Variants in TCL1A observed in about 807,000 individuals in gnomAD.
The protein encoded by TCL1A is T-cell leukemia/lymphoma protein 1A.
Under a neutral mutation model 16.9 loss-of-function variants are expected in TCL1A, and 9 were observed. The ratio of observed to expected loss-of-function variants is 0.53; its 90% CI spans 0.32 to 0.93. TCL1A has a LOEUF of 0.93. TCL1A is among the 40% of genes least tolerant of loss of function. The pLI is 0.04. For missense variants in TCL1A, 139 were observed against 153.0 expected, an observed-to-expected ratio of 0.91 and a Z score of 0.48; for synonymous variants, 69 against 63.2, an observed-to-expected ratio of 1.09 and a Z score of -0.44.
intron 2 of TCL1A, 102 bp downstream of exon 2, chr14:95,712,118 G>T: frequency 2.1e-6 from 3 of 1,401,840 alleles, no homozygotes; most frequent in South Asian, 2.4e-5. Flanking sequence ...ATTTTTTAAT[G>T]CTTTTGGGAC....
intron 1 of TCL1A, chr14:95,712,753 G>T: frequency 2.6e-6 from 3 of 1,133,038 alleles, no homozygotes; most frequent in Non-Finnish European, 3.6e-6. Context: ...ACCAGCCTGG[G>T]TCACAGAGCG....
chr14:95,712,760 A>G (rs774364531), intron 1 of TCL1A: 80 of 1,018,664 alleles, frequency 7.9e-5, no homozygotes, highest in South Asian at 3.8e-4. Flanking sequence ...TGGGTCACAG[A>G]GCGAGACCCT....
At chr14:95,713,771 T>C (rs1886469861) in intron 1 of TCL1A, among the ~76,000 whole-genome samples, 176 bp downstream of exon 1, 1 of 152,136 alleles carries the variant, frequency 6.6e-6, no homozygotes, top group African/African-American at 2.4e-5. Context: ...CCACCCTTCT[T>C]CCCTGCCTGG....
intron 1 of TCL1A, among the ~76,000 whole-genome samples, chr14:95,713,555 G>C (rs753631296): frequency 2.6e-5 from 4 of 152,148 alleles, no homozygotes; most frequent in Non-Finnish European, 5.9e-5. Flanking sequence ...ACCCTAAACT[G>C]TTGAGGGTTC....
chr14:95,711,829 A>G, intron 2 of TCL1A, 27 bp from the exon 3 acceptor site: 1 of 1,605,698 alleles, frequency 6.2e-7, no homozygotes, highest in South Asian at 1.1e-5. Flanking sequence ...GAGAGAAGGC[A>G]TTGATCGGCC....
At chr14:95,713,437 A>T (rs1181380534) in intron 1 of TCL1A, among the ~76,000 whole-genome samples, 2 of 152,354 alleles carry the variant, frequency 1.3e-5, no homozygotes, top group Admixed American at 6.5e-5. Flanking sequence ...TTGATTCAAT[A>T]CCGGCGCTTA....
intron 2 of TCL1A, 153 bp from the exon 3 acceptor site, chr14:95,711,955 C>A (rs565257881): frequency 7.9e-6 from 8 of 1,011,222 alleles, no homozygotes; most frequent in East Asian, 2.6e-5. Flanking sequence ...CTCCTCCCAC[C>A]AGCCTTCAGC....
intron 2 of TCL1A, 162 bp from the exon 3 acceptor site, chr14:95,711,964 G>T: frequency 2.1e-6 from 2 of 944,912 alleles, no homozygotes; most frequent in Non-Finnish European, 3.1e-6. Flanking sequence ...CCAGCCTTCA[G>T]CCTGTGACTG....
At position 95,711,708 on chromosome 14, in the gene TCL1A, C is replaced by T. The variant is rs538535701; in HGVS notation, c.*6+41G>A. 2.7e-5 allele frequency: 44 copies of T among 1,606,958 alleles called. No homozygotes were observed. In the East Asian group the frequency reaches 9.2e-4, roughly 33 times the overall value. On this transcript the variant is annotated intron_variant, in intron 3 of 3. Transcript: ENST00000402399. ...GGGGTGGTCTTTCTTTCTGATACAGCCACTGTGGACTAAGAGGGGTCAGGC... is the reference window on the plus strand; with the variant it reads ...GGGGTGGTCTTTCTTTCTGATACAGTCACTGTGGACTAAGAGGGGTCAGGC...
rs369903773 is a variant in TCL1A at position 95,714,075 on chromosome 14, C to T, written c.-9G>A. On this transcript the variant is annotated 5_prime_UTR_variant, in exon 1 of 4. Coordinates refer to ENST00000402399, the MANE Select transcript of TCL1A (RefSeq NM_021966.3). ...GTCGGGCACTCGGCCATGGCGTCCT[C>T]GGGCCGCCTAAGAAGCAAGAGCCAG... 243 of 1,613,054 alleles carry T rather than the reference C, an allele frequency of 1.5e-4. No individual in the cohort carries two copies. The highest frequency in any genetic ancestry group is 1.9e-4 in the Non-Finnish European group (229 of 1,179,932).
intron 1 of TCL1A, among the ~76,000 whole-genome samples, chr14:95,713,440 G>GCTTATACT (rs1886434831): frequency 6.6e-6 from 1 of 152,106 alleles, no homozygotes; most frequent in Non-Finnish European, 1.5e-5. Flanking sequence ...ATTCAATACC[G>GCTTATACT]GCGCTTATAC....
intron 1 of TCL1A, among the ~76,000 whole-genome samples, chr14:95,713,464 G>A (rs1886436819): frequency 6.6e-6 from 1 of 152,286 alleles, no homozygotes; most frequent in African/African-American, 2.4e-5. Context: ...GACATCACTT[G>A]TTAAATTTGT....
At position 95,710,146 on chromosome 14, in the gene TCL1A, A is replaced by G. The variant is rs1447345792; in HGVS notation, c.*742T>C. On this transcript the variant is annotated 3_prime_UTR_variant, in exon 4 of 4. Transcript: ENST00000402399. ...AACACCCAGGTGCGTGACCATCTAT[A>G]AAAGGGGGGAAACCCAACCTCTATC... The G allele has an allele frequency of 6.6e-6, 1 of 152,200 alleles. No homozygotes were observed. Among genetic ancestry groups the G allele is most frequent in the Non-Finnish European group, 1.5e-5 (1 of 68,042 alleles). 9.4% of individuals were successfully genotyped at this position (152,200 alleles called of 1,614,324 possible). A position where few individuals can be genotyped will look rare whatever the true frequency, so the allele number is the denominator to read the frequency against.
At chr14:95,712,044 C>A in intron 2 of TCL1A, 176 bp downstream of exon 2, 2 of 919,642 alleles carry the variant, frequency 2.2e-6, no homozygotes, top group South Asian at 3.2e-5. Context: ...CTGTTAGAGA[C>A]CTCAGAGGAT....
At chr14:95,713,229 A>G (rs1886421620) in intron 1 of TCL1A, among the ~76,000 whole-genome samples, 1 of 152,322 alleles carries the variant, frequency 6.6e-6, no homozygotes, top group African/African-American at 2.4e-5. Context: ...TTTGATTGCT[A>G]CTGGACATAC....
intron 2 of TCL1A, 21 bp downstream of exon 2, chr14:95,712,199 C>T: frequency 6.2e-7 from 1 of 1,614,056 alleles, no homozygotes; most frequent in Non-Finnish European, 8.5e-7. Context: ...CCCGATGGAC[C>T]TCTGGGAGAA....
chr14:95,713,197 A>G lies in TCL1A; in HGVS notation c.120+750T>C, dbSNP rs191153065. The stretch of plus-strand genomic sequence containing the variant: ...GTGCCTCAGTTTCCCATCTGTAGAG[A>G]CACAGTCAACACTCAATAATTTTTG... On this transcript the variant is annotated intron_variant, in intron 1 of 3. Coordinates refer to ENST00000402399, the MANE Select transcript of TCL1A (RefSeq NM_021966.3). Among the ~76,000 whole-genome samples, 25 of 151,522 alleles carry G rather than the reference A, an allele frequency of 1.6e-4. 1 individual carries two copies. The highest frequency in any genetic ancestry group is 8.5e-4 in the Admixed American group (13 of 15,284).
rs760969174 is a variant in TCL1A at position 95,714,057 on chromosome 14, A to G, written c.10T>C (p.Cys4Arg). The G allele has an allele frequency of 2.5e-6, 4 of 1,613,640 alleles. No individual in the cohort carries two copies. The highest frequency in any genetic ancestry group is 2.5e-6 in the Non-Finnish European group (3 of 1,180,002). MAE[C>R]PTLGEAVTDH... ...GTGACTGCCTCCCCGAGTGTCGGGC[A>G]CTCGGCCATGGCGTCCTCGGGCCGC... Residue 4 changes from cysteine to arginine, a missense_variant, in exon 1 of 4, where the codon TGC (cysteine) becomes CGC (arginine). Physicochemically the swap from Cys to Arg is radical, Grantham distance 180. Coordinates refer to ENST00000402399, the MANE Select transcript of TCL1A (RefSeq NM_021966.3).
intron 1 of TCL1A, 107 bp downstream of exon 1, chr14:95,713,840 C>CCCTGCCCCATAGAT: frequency 6.6e-7 from 1 of 1,525,576 alleles, no homozygotes; most frequent in Non-Finnish European, 8.8e-7. Flanking sequence ...TGGGGATCCT[C>CCCTGCCCCATAGAT]CCTGCCCCAT....
Sources: allele counts gnomAD v4.1 joint callset (sites outside exome capture counted in the v4.1 genomes callset), GRCh38; gene constraint gnomAD v4.1.1; transcripts MANE v1.5; gene names NCBI Gene and HGNC (gene_info 2026-07-23, HGNC 2026-07-21).